NAALADL2: variants seen among roughly 807,000 people sequenced by gnomAD.
NAALADL2 encodes N-acetylated alpha-linked acidic dipeptidase like 2.
Under a neutral mutation model 87.2 loss-of-function variants are expected in NAALADL2, and 76 were observed. The ratio of observed to expected loss-of-function variants is 0.87; its 90% CI spans 0.72 to 1.05. The LOEUF is 1.05. NAALADL2 is among the 50% of genes least tolerant of loss of function. The pLI is 0.00. For missense variants in NAALADL2, 1,089 were observed against 945.8 expected, an observed-to-expected ratio of 1.15 and a Z score of -1.99; for synonymous variants, 354 against 331.0, an observed-to-expected ratio of 1.07 and a Z score of -0.75.
At chr3:175,338,405 A>G (rs537819871) in intron 5 of NAALADL2, among the ~76,000 whole-genome samples, 4 of 151,950 alleles carry the variant, frequency 2.6e-5, no homozygotes, top group South Asian at 2.1e-4. Context: ...AGGGCGGTAT[A>G]AAAAGGCCAA....
At chr3:175,336,861 G>A (rs955982151) in intron 5 of NAALADL2, among the ~76,000 whole-genome samples, 1 of 152,026 alleles carries the variant, frequency 6.6e-6, no homozygotes, top group Non-Finnish European at 1.5e-5. Flanking sequence ...AGTCCCTTGG[G>A]TGATTTTTCC....
chr3:175,485,429 G>A (rs75618302), intron 9 of NAALADL2, among the ~76,000 whole-genome samples: 1,751 of 152,248 alleles, frequency 0.012, 36 homozygotes, highest in African/African-American at 0.04. Context: ...TAGGCTGTCC[G>A]TAAGCTGAAG....
intron 2 of NAALADL2, among the ~76,000 whole-genome samples, chr3:174,659,101 G>T (rs866639023): frequency 6.6e-6 from 1 of 152,056 alleles, no homozygotes; most frequent in African/African-American, 2.4e-5. Flanking sequence ...TCCTTACTTG[G>T]TCTGTGTTTG....
intron 3 of NAALADL2, among the ~76,000 whole-genome samples, chr3:174,746,015 G>T (rs1197943648): frequency 6.6e-6 from 1 of 152,078 alleles, no homozygotes; most frequent in Non-Finnish European, 1.5e-5. Flanking sequence ...CTTGAAAACT[G>T]GCACAAGACA....
At chr3:175,674,764 CTT>C (rs1349602207) in intron 11 of NAALADL2, among the ~76,000 whole-genome samples, 4 of 152,044 alleles carry the variant, frequency 2.6e-5, no homozygotes, top group African/African-American at 9.6e-5. Context: ...AAAAAAAAGA[CTT>C]AATTTGGTCT....
chr3:174,846,025 A>C (rs970559212), intron 3 of NAALADL2, among the ~76,000 whole-genome samples: 2 of 152,176 alleles, frequency 1.3e-5, no homozygotes, highest in African/African-American at 4.8e-5. Flanking sequence ...CAATGTATCC[A>C]CATGGACTCC....
chr3:175,782,633 A>T (rs2150221054), intron 13 of NAALADL2, among the ~76,000 whole-genome samples: 1 of 138,950 alleles, frequency 7.2e-6, no homozygotes, highest in South Asian at 2.2e-4. Context: ...AGGTTGCGAA[A>T]ATTTTCTCCC....
chr3:175,271,472 C>T (rs564107337), intron 4 of NAALADL2, among the ~76,000 whole-genome samples: 24 of 152,108 alleles, frequency 1.6e-4, no homozygotes, highest in Non-Finnish European at 3.2e-4. Flanking sequence ...GGACCTTTTC[C>T]AATTTTTGCA....
chr3:175,036,830 T>C (rs1041508128), intron 1 of NAALADL2, among the ~76,000 whole-genome samples: 1 of 144,160 alleles, frequency 6.9e-6, no homozygotes, highest in Non-Finnish European at 1.5e-5. Context: ...TTTTTAGCGT[T>C]CCTATACTTG....
intron 2 of NAALADL2, among the ~76,000 whole-genome samples, chr3:174,660,378 C>T (rs901857073): frequency 3.3e-5 from 5 of 151,962 alleles, no homozygotes; most frequent in African/African-American, 1.2e-4. Context: ...TTTCAGATAC[C>T]GTATGATTGG....
chr3:175,713,315 A>G (rs893126845), intron 11 of NAALADL2, among the ~76,000 whole-genome samples: 1 of 152,150 alleles, frequency 6.6e-6, no homozygotes, highest in African/African-American at 2.4e-5. Context: ...TTTCATCAAC[A>G]GTTCTGAACT....
chr3:175,125,708 C>T (rs1726847324), intron 2 of NAALADL2, among the ~76,000 whole-genome samples: 1 of 151,994 alleles, frequency 6.6e-6, no homozygotes, highest in Admixed American at 6.6e-5. Flanking sequence ...GTATCTGGAA[C>T]CGAACAGGTT....
intron 3 of NAALADL2, among the ~76,000 whole-genome samples, chr3:175,238,542 T>G: frequency 6.6e-6 from 1 of 152,270 alleles, no homozygotes; most frequent in Middle Eastern, 3.4e-3. Flanking sequence ...ACATATTGAT[T>G]TAAATATCTA....
At chr3:175,391,274 A>G (rs996509729) in intron 5 of NAALADL2, among the ~76,000 whole-genome samples, 6 of 152,174 alleles carry the variant, frequency 3.9e-5, no homozygotes, top group Non-Finnish European at 7.3e-5. Context: ...GAAGGCCACT[A>G]ATGTACTTGC....
At chr3:174,663,571 C>G (rs1001415477) in intron 2 of NAALADL2, among the ~76,000 whole-genome samples, 1 of 152,018 alleles carries the variant, frequency 6.6e-6, no homozygotes, top group Admixed American at 6.6e-5. Flanking sequence ...CTTTAACAAT[C>G]AGATCTTGAG....
At chr3:174,818,523 A>G (rs1288221226) in intron 3 of NAALADL2, among the ~76,000 whole-genome samples, 3 of 152,170 alleles carry the variant, frequency 2.0e-5, no homozygotes, top group Non-Finnish European at 4.4e-5. Flanking sequence ...TAAAAATAAC[A>G]CTGCATATAC....
chr3:175,085,720 C>A (rs993656157), intron 1 of NAALADL2, among the ~76,000 whole-genome samples: 1 of 152,094 alleles, frequency 6.6e-6, no homozygotes, highest in South Asian at 2.1e-4. Flanking sequence ...GAGATCGAGA[C>A]CATCCTGGCC....
At chr3:175,612,696 T>C (rs2149677583) in intron 10 of NAALADL2, among the ~76,000 whole-genome samples, 1 of 152,286 alleles carries the variant, frequency 6.6e-6, no homozygotes, top group Non-Finnish European at 1.5e-5. Context: ...AAAAATGCTG[T>C]TGTTAAATTG....
Position 175,420,019 on chromosome 3 carries a change from C to T in NAALADL2, c.1091-27210C>T, listed in dbSNP as rs564115364. Among the ~76,000 whole-genome samples, 5 of 152,018 alleles carry T rather than the reference C, an allele frequency of 3.3e-5. No individual in the cohort carries two copies. In the South Asian group the frequency reaches 6.2e-4, roughly 19 times the overall value. ...GAAAGTTCAGGGATGGAGCAGACAT[C>T]GTTGGCCTCAGTCTTCTCAGATGCA... On this transcript the variant is annotated intron_variant, in intron 5 of 13. Transcript: ENST00000454872.
Sources: gnomAD v4.1 joint callset for allele counts (sites outside exome capture counted in the v4.1 genomes callset) on GRCh38, gnomAD v4.1.1 for gene constraint, MANE v1.5 for transcripts, NCBI Gene and HGNC (gene_info 2026-07-23, HGNC 2026-07-21) for gene names.